The following GLIS3 variants were observed in gnomAD, a reference collection of about 807,000 sequenced individuals.
The protein encoded by GLIS3 is zinc finger protein GLIS3.
In GLIS3, 53 loss-of-function variants were observed where a neutral mutation model predicts 78.6. The observed-to-expected ratio is 0.67, with a 90% CI of 0.54 to 0.85. GLIS3 has a LOEUF of 0.85. Among genes scored for constraint, GLIS3 ranks in the 40% least tolerant of loss-of-function variants. The pLI is 0.00. For missense variants in GLIS3, 1,703 were observed against 1,231.1 expected (o/e 1.38, Z -5.74); for synonymous variants, 684 against 509.9 (o/e 1.34, Z -4.60).
upstream of GLIS3, among the ~76,000 whole-genome samples, chr9:4,351,051 C>T (rs1327387634): frequency 6.6e-6 from 1 of 152,106 alleles, no homozygotes; most frequent in Non-Finnish European, 1.5e-5. Flanking sequence ...GGGCCCTGGG[C>T]TTCACTTCTC....
chr9:4,047,940 G>C (rs1472324905), intron 4 of GLIS3, among the ~76,000 whole-genome samples: 1 of 152,152 alleles, frequency 6.6e-6, no homozygotes, highest in Non-Finnish European at 1.5e-5. Context: ...TCACCAGCTG[G>C]TAGGCCTAAG....
chr9:3,894,995 C>T (rs1822720083), intron 7 of GLIS3, among the ~76,000 whole-genome samples: 1 of 152,130 alleles, frequency 6.6e-6, no homozygotes. Context: ...ATCTGTAGTA[C>T]AGCTTCGGTT....
At chr9:4,387,382 G>T in the GLIS3 span, among the ~76,000 whole-genome samples, 1 of 152,038 alleles carries the variant, frequency 6.6e-6, no homozygotes. Context: ...GCCACTCTCA[G>T]TTACCATCAT....
the GLIS3 span, among the ~76,000 whole-genome samples, chr9:4,479,671 C>G: frequency 1.3e-5 from 2 of 152,130 alleles, no homozygotes; most frequent in Non-Finnish European, 2.9e-5. Flanking sequence ...CCTGGCCACA[C>G]TGCCTTGCTG....
intron 2 of GLIS3, among the ~76,000 whole-genome samples, chr9:4,314,350 C>T (rs2130533487): frequency 6.6e-6 from 1 of 152,298 alleles, no homozygotes; most frequent in South Asian, 2.1e-4. Context: ...AGCTACCTGC[C>T]ACCCAATGCT....
At chr9:3,885,710 T>C (rs1366386012) in intron 7 of GLIS3, among the ~76,000 whole-genome samples, 4 of 152,168 alleles carry the variant, frequency 2.6e-5, no homozygotes, top group Admixed American at 6.5e-5. Flanking sequence ...TCTTGTCTCT[T>C]TGTCTCTCTC....
chr9:4,170,057 T>C (rs1816239456), intron 2 of GLIS3, among the ~76,000 whole-genome samples: 1 of 152,156 alleles, frequency 6.6e-6, no homozygotes, highest in Non-Finnish European at 1.5e-5. Flanking sequence ...AAATCACGGA[T>C]ATAGAAACTG....
chr9:4,394,080 T>TAAA, the GLIS3 span, among the ~76,000 whole-genome samples: 2 of 151,200 alleles, frequency 1.3e-5, no homozygotes, highest in African/African-American at 4.9e-5. Flanking sequence ...ATTTGTCTCT[T>TAAA]AAAAAAAAGA....
intron 4 of GLIS3, among the ~76,000 whole-genome samples, chr9:4,076,601 G>A (rs970678013): frequency 6.6e-6 from 1 of 152,022 alleles, no homozygotes; most frequent in Non-Finnish European, 1.5e-5. Context: ...CCTCAAAATA[G>A]CCACCAACCA....
At chr9:4,438,630 C>A in the GLIS3 span, among the ~76,000 whole-genome samples, 433 of 152,258 alleles carry the variant, frequency 2.8e-3, 5 homozygotes, top group South Asian at 0.042. Flanking sequence ...TTGTAATAAT[C>A]CCCACTTGTC....
At chr9:4,337,555 A>T (rs990721735) in intron 2 of GLIS3, among the ~76,000 whole-genome samples, 11 of 152,328 alleles carry the variant, frequency 7.2e-5, no homozygotes, top group African/African-American at 1.4e-4. Context: ...TAATCAAAAA[A>T]ATATATCTAA....
intron 8 of GLIS3, among the ~76,000 whole-genome samples, chr9:3,869,219 C>G (rs936337903): frequency 1.4e-4 from 22 of 151,912 alleles, no homozygotes; most frequent in African/African-American, 5.1e-4. Flanking sequence ...ATGTATATGA[C>G]TATTACACAT....
intron 1 of GLIS3, among the ~76,000 whole-genome samples, chr9:4,297,932 C>T (rs1201847284): frequency 1.4e-5 from 2 of 148,006 alleles, no homozygotes; most frequent in South Asian, 2.1e-4. Context: ...TTCCTCGGCG[C>T]GGAGCTAGGG....
intron 4 of GLIS3, among the ~76,000 whole-genome samples, chr9:4,047,421 T>C (rs1040150242): frequency 6.6e-6 from 1 of 152,196 alleles, no homozygotes; most frequent in African/African-American, 2.4e-5. Flanking sequence ...TAAGAATCTT[T>C]ATTTTTATAT....
the GLIS3 span, among the ~76,000 whole-genome samples, chr9:4,441,883 G>A: frequency 6.6e-6 from 1 of 152,178 alleles, no homozygotes; most frequent in African/African-American, 2.4e-5. Flanking sequence ...GGCATTACAG[G>A]CGTGAGCCAC....
intron 4 of GLIS3, among the ~76,000 whole-genome samples, chr9:4,059,756 C>T (rs141386813): frequency 6.7e-6 from 1 of 149,498 alleles, no homozygotes; most frequent in East Asian, 2.0e-4. Context: ...TGAAAGCAGG[C>T]CTCAGCTTGT....
intron 6 of GLIS3, among the ~76,000 whole-genome samples, chr9:3,924,358 C>A (rs971761187): frequency 1.3e-5 from 2 of 152,138 alleles, no homozygotes; most frequent in African/African-American, 2.4e-5. Context: ...CCCATGTTTG[C>A]CTTTCAAGCT....
At chr9:4,093,360 C>G (rs920813827) in intron 4 of GLIS3, among the ~76,000 whole-genome samples, 1 of 152,114 alleles carries the variant, frequency 6.6e-6, no homozygotes, top group Admixed American at 6.6e-5. Context: ...CTGAGTAAGG[C>G]CCCCTCTTGC....
chr9:4,147,593 C>A (rs1471305618), intron 2 of GLIS3: 1 of 152,270 alleles, frequency 6.6e-6, no homozygotes, highest in Non-Finnish European at 1.5e-5. Context: ...TCAGGAACTG[C>A]CAGGACATTC....
Sources: gnomAD v4.1 joint callset for allele counts (sites outside exome capture counted in the v4.1 genomes callset) on GRCh38, gnomAD v4.1.1 for gene constraint, MANE v1.5 for transcripts, NCBI Gene and HGNC (gene_info 2026-07-23, HGNC 2026-07-21) for gene names.